The following MRGPRF variants were observed in gnomAD, a reference collection of about 807,000 sequenced individuals.
MRGPRF encodes MAS related GPR family member F.
Under a neutral mutation model 3.3 loss-of-function variants are expected in MRGPRF, and 2 were observed. That is an observed-to-expected ratio of 0.61 (90% CI 0.25 to 1.92). The LOEUF (loss-of-function observed/expected upper bound fraction) is 1.92. Among genes scored for constraint, MRGPRF ranks in the 40% most tolerant of loss-of-function variants. MRGPRF has a pLI of 0.16. For synonymous variants in MRGPRF, 242 were observed against 222.7 expected, an observed-to-expected ratio of 1.09 and a Z score of -0.77; for missense variants, 500 against 476.0, an observed-to-expected ratio of 1.05 and a Z score of -0.47.
chr11:69,008,618 C>T (rs1003846107), intron 2 of MRGPRF, among the ~76,000 whole-genome samples: 1 of 152,216 alleles, frequency 6.6e-6, no homozygotes, highest in African/African-American at 2.4e-5. Flanking sequence ...GCCCTGCTCC[C>T]TCCCTGCCAT....
Position 69,009,972 on chromosome 11 carries a change from G to C in MRGPRF, c.-56-15C>G. On this transcript the variant is annotated splice_polypyrimidine_tract_variant and intron_variant, in intron 1 of 2. Coordinates refer to ENST00000309099, the MANE Select transcript of MRGPRF (RefSeq NM_145015.5). The stretch of plus-strand genomic sequence containing the variant: ...TGCACACCCACCTGGCAGAAGCCCA[G>C]AGAGAGGGTGGATGAGGACAGCAGG... The C allele has an allele frequency of 6.5e-7, 1 of 1,531,478 alleles. No individual in the cohort carries two copies. The highest frequency in any genetic ancestry group is 8.8e-7 in the Non-Finnish European group (1 of 1,135,348). 94.9% of individuals were successfully genotyped at this position (1,531,478 alleles called of 1,614,324 possible).
chr11:69,009,596 G>C, intron 2 of MRGPRF: 1 of 608,580 alleles, frequency 1.6e-6, no homozygotes, highest in Non-Finnish European at 3.0e-6. Flanking sequence ...GCTACAAGGC[G>C]ACCACAGTGT....
chr11:69,008,133 C>G (rs186304425), intron 2 of MRGPRF, among the ~76,000 whole-genome samples: 205 of 152,224 alleles, frequency 1.3e-3, no homozygotes, highest in African/African-American at 4.7e-3. Flanking sequence ...TCCCCCGCTC[C>G]CTGGAGAAGC....
At chr11:69,009,526 AGT>A (rs1565065372) in intron 2 of MRGPRF, 1 of 582,690 alleles carries the variant, frequency 1.7e-6, no homozygotes, top group Non-Finnish European at 3.1e-6. Flanking sequence ...GCCTGGCTGT[AGT>A]AAGTAGCTGA....
Position 69,005,298 on chromosome 11 carries a change from G to T in MRGPRF, c.1012C>A (p.Pro338Thr). The change falls in exon 3 of 3, where the codon CCC becomes ACC. Residue 338 changes from proline (P) to threonine (T), a missense_variant. Coordinates refer to ENST00000309099, the MANE Select transcript of MRGPRF (RefSeq NM_145015.5). Reference protein sequence around the residue: ...PNTVTMEMQCPPGNAS With the variant: ...PNTVTMEMQCTPGNAS Reference sequence around the variant, plus strand: ...GAGTCTCAGGAGGCGTTCCCCGGGGGACACTGCATCTCCATGGTGACTGTG... The same window carrying T: ...GAGTCTCAGGAGGCGTTCCCCGGGGTACACTGCATCTCCATGGTGACTGTG... 1.3e-6 allele frequency: 2 copies of T among 1,518,084 alleles called. No individual in the cohort carries two copies. Among genetic ancestry groups the T allele is most frequent in the Non-Finnish European group, 1.8e-6 (2 of 1,137,480 alleles). The allele number at this position is 1,518,084 out of a possible 1,614,324, so 94.0% of individuals were successfully genotyped here. A position where few individuals can be genotyped will look rare whatever the true frequency, so the allele number is the denominator to read the frequency against.
At chr11:69,009,814 CGT>C in intron 2 of MRGPRF, 38 bp downstream of exon 2, 1 of 1,600,008 alleles carries the variant, frequency 6.2e-7, no homozygotes, top group South Asian at 1.1e-5. Context: ...CACCCACACC[CGT>C]CTGGGCAAGA....
chr11:69,006,560 G>C (rs994200468), intron 2 of MRGPRF, among the ~76,000 whole-genome samples: 1 of 151,890 alleles, frequency 6.6e-6, no homozygotes, highest in African/African-American at 2.4e-5. Flanking sequence ...GCTGCCCACC[G>C]GTCAGAGTAG....
chr11:69,006,094 G>C lies in MRGPRF; in HGVS notation c.216C>G (p.Ser72=), dbSNP rs374428644. ...AGATGGAGAAGGGGTTCCTCTTGATGGAGAAGCCGAAAAACCAGAGGACCA... is the reference window on the plus strand; with the variant it reads ...AGATGGAGAAGGGGTTCCTCTTGATCGAGAAGCCGAAAAACCAGAGGACCA... The part of the protein sequence containing the change: ...NGLVLWFFGF[S]IKRNPFSIYF... Residue 72 remains serine, a synonymous_variant, in exon 3 of 3, where the codon TCC becomes TCG. Coordinates refer to ENST00000309099, the MANE Select transcript of MRGPRF (RefSeq NM_145015.5). 10 of 1,612,274 alleles carry C rather than the reference G, an allele frequency of 6.2e-6. No homozygotes were observed. Among genetic ancestry groups the C allele is most frequent in the Non-Finnish European group, 8.5e-6 (10 of 1,179,204 alleles).
chr11:69,011,020 C>G (rs572411242), intron 1 of MRGPRF, among the ~76,000 whole-genome samples: 1 of 152,128 alleles, frequency 6.6e-6, no homozygotes, highest in Non-Finnish European at 1.5e-5. Context: ...CAGCCCAGGT[C>G]GCAGGCTGCC....
rs57545280 is a variant in MRGPRF at position 69,006,342 on chromosome 11, A to AG, written c.49-82dup. Reference sequence around the variant, plus strand: ...CTGCATCTGGGGCCCAGCGTGGGGGAGGGGGGGGGTCCCAATTAGGGACTT... The same window carrying AG: ...CTGCATCTGGGGCCCAGCGTGGGGGAGGGGGGGGGGTCCCAATTAGGGACTT... On this transcript the variant is annotated intron_variant, in intron 2 of 2. Transcript: ENST00000309099. 1,648 of 1,277,984 alleles carry AG rather than the reference A, an allele frequency of 1.3e-3. 7 individuals carry two copies. The East Asian group carries it at 0.014, about 10-fold the overall frequency. The allele number at this position is 1,277,984 out of a possible 1,614,324, so 79.2% of individuals were successfully genotyped here.
Position 69,005,893 on chromosome 11 carries a change from G to A in MRGPRF, c.417C>T (p.Ala139=), listed in dbSNP as rs1284592983. ...GGAAGATGACCGAGGCGCAGCGCTC[G>A]GCGCTGACGGCCGGCAGGAGGCTCA... ...TGVSLLPAVS[A]ERCASVIFPA... Residue 139 remains alanine (A), a synonymous_variant, in exon 3 of 3, where the codon GCC becomes GCT. Transcript: ENST00000309099. 3.2e-6 allele frequency: 5 copies of A among 1,570,270 alleles called. No individual in the cohort carries two copies. Among genetic ancestry groups the A allele is most frequent in the Admixed American group, 1.9e-5 (1 of 52,634 alleles).
chr11:69,006,804 A>G (rs1189393775), intron 2 of MRGPRF, among the ~76,000 whole-genome samples: 1 of 152,024 alleles, frequency 6.6e-6, no homozygotes, highest in Non-Finnish European at 1.5e-5. Flanking sequence ...TTGTATTTTC[A>G]GTAGAGACGG....
At chr11:69,013,043 T>A (rs971030806) in intron 1 of MRGPRF, 40 bp downstream of exon 1, 1 of 153,420 alleles carries the variant, frequency 6.5e-6, no homozygotes, top group Admixed American at 6.5e-5. Flanking sequence ...GCCCCGGTTG[T>A]TGGAACACCC....
chr11:69,006,367 T>C, intron 2 of MRGPRF, 106 bp from the exon 3 acceptor site: 1 of 981,022 alleles, frequency 1.0e-6, no homozygotes, highest in Non-Finnish European at 1.4e-6. Flanking sequence ...ATTAGGGACT[T>C]GGGGCAGGGA....
chr11:69,010,160 C>T (rs1203400084), intron 1 of MRGPRF, among the ~76,000 whole-genome samples: 1 of 152,246 alleles, frequency 6.6e-6, no homozygotes, highest in Non-Finnish European at 1.5e-5. Context: ...CGGCCCCCTC[C>T]TGCCTGTGGA....
Position 69,006,250 on chromosome 11 carries a change from G to A in MRGPRF, c.60C>T (p.Gly20=). The stretch of plus-strand genomic sequence containing the variant: ...TGTAGAGTTCCGGGGCCTCGCTCAG[G>A]CCAGGGCACATCTGCGCAGGTGCAG... ...HPGNRNKMCP[G]LSEAPELYSR... Residue 20 remains glycine (G), a synonymous_variant, in exon 3 of 3, where the codon GGC becomes GGT. Coordinates refer to ENST00000309099, the MANE Select transcript of MRGPRF (RefSeq NM_145015.5). The A allele has an allele frequency of 6.2e-7, 1 of 1,610,334 alleles. No homozygotes were observed. The highest frequency in any genetic ancestry group is 8.5e-7 in the Non-Finnish European group (1 of 1,179,270).
At chr11:69,008,858 T>C (rs1439673420) in intron 2 of MRGPRF, among the ~76,000 whole-genome samples, 1 of 152,216 alleles carries the variant, frequency 6.6e-6, no homozygotes, top group Non-Finnish European at 1.5e-5. Context: ...GCCTCTTGTA[T>C]GCATGCACGC....
chr11:69,009,700 A>G (rs1297948924), intron 2 of MRGPRF, 154 bp downstream of exon 2: 5 of 878,450 alleles, frequency 5.7e-6, no homozygotes, highest in Non-Finnish European at 9.2e-6. Flanking sequence ...GTGCCCGGCC[A>G]CATAGCCCAG....
rs57545280 is a variant in MRGPRF at position 69,006,342 on chromosome 11, AGGG to A, written c.49-84_49-82del. On this transcript the variant is annotated intron_variant, in intron 2 of 2. Coordinates refer to ENST00000309099, the MANE Select transcript of MRGPRF (RefSeq NM_145015.5). ...CTGCATCTGGGGCCCAGCGTGGGGG[AGGG>A]GGGGGGTCCCAATTAGGGACTTGGG... 23 of 1,278,256 alleles carry A rather than the reference AGGG, an allele frequency of 1.8e-5. No homozygotes were observed. The East Asian group carries it at 2.1e-4, about 12-fold the overall frequency. 79.2% of individuals were successfully genotyped at this position (1,278,256 alleles called of 1,614,324 possible).
Sources: gnomAD v4.1 joint callset for allele counts (sites outside exome capture counted in the v4.1 genomes callset) on GRCh38, gnomAD v4.1.1 for gene constraint, MANE v1.5 for transcripts, NCBI Gene and HGNC (gene_info 2026-07-23, HGNC 2026-07-21) for gene names.